GRIA4: variants seen among roughly 807,000 people sequenced by gnomAD.
The protein encoded by GRIA4 is glutamate ionotropic receptor AMPA type subunit 4, also known as glutamate receptor 4.
A neutral mutation model predicts 104.0 loss-of-function variants in GRIA4; 34 were observed. That is an observed-to-expected ratio of 0.33 (90% CI 0.25 to 0.44). The LOEUF is 0.44. GRIA4 is among the 20% of genes least tolerant of loss of function. The probability of loss-of-function intolerance (pLI) is 1.00; values close to 1 mark genes in which losing one functional copy is unlikely to be tolerated. For missense variants in GRIA4, 750 were observed against 1,096.5 expected (o/e 0.68, Z 4.46); for synonymous variants, 386 against 381.9 (o/e 1.01, Z -0.13).
intron 3 of GRIA4, among the ~76,000 whole-genome samples, chr11:105,682,906 CCTT>C (rs1952756425): frequency 6.6e-6 from 1 of 152,100 alleles, no homozygotes; most frequent in South Asian, 2.1e-4. Flanking sequence ...AATGACAAAA[CCTT>C]CTCCCATCGT....
chr11:105,736,539 G>A (rs912645089), intron 3 of GRIA4, among the ~76,000 whole-genome samples: 7 of 151,812 alleles, frequency 4.6e-5, no homozygotes, highest in Non-Finnish European at 8.8e-5. Context: ...TCCTTGTATA[G>A]TATATATATA....
intron 3 of GRIA4, chr11:105,708,022 T>C (rs1356526935): frequency 2.0e-5 from 3 of 152,128 alleles, no homozygotes; most frequent in African/African-American, 2.4e-5. Context: ...AGAGAAGTCA[T>C]TGAAGAAAAT....
At chr11:105,887,325 T>C (rs1946299941) in intron 5 of GRIA4, among the ~76,000 whole-genome samples, 194 bp from the exon 6 acceptor site, 1 of 152,134 alleles carries the variant, frequency 6.6e-6, no homozygotes, top group Non-Finnish European at 1.5e-5. Flanking sequence ...TAAATAAAAG[T>C]GGTACTTTTT....
chr11:105,954,390 T>C (rs1442934719), intron 14 of GRIA4, among the ~76,000 whole-genome samples: 1 of 152,196 alleles, frequency 6.6e-6, no homozygotes, highest in East Asian at 1.9e-4. Flanking sequence ...GAAAGCTTTG[T>C]TTTTTACTAA....
chr11:105,727,609 T>C (rs1938298134), intron 3 of GRIA4, among the ~76,000 whole-genome samples: 1 of 152,074 alleles, frequency 6.6e-6, no homozygotes, highest in Non-Finnish European at 1.5e-5. Context: ...GGAAAAAATG[T>C]TAAGGGCAGC....
intron 3 of GRIA4, among the ~76,000 whole-genome samples, chr11:105,673,652 G>A (rs1480079803): frequency 6.6e-6 from 1 of 151,924 alleles, no homozygotes; most frequent in Admixed American, 6.6e-5. Flanking sequence ...TGACAAGGTG[G>A]CAGATCATAA....
chr11:105,815,602 C>T (rs562855261), intron 4 of GRIA4, among the ~76,000 whole-genome samples: 1 of 152,032 alleles, frequency 6.6e-6, no homozygotes, highest in African/African-American at 2.4e-5. Context: ...GCTGTTACTG[C>T]CGAAAGCTGA....
intron 3 of GRIA4, among the ~76,000 whole-genome samples, chr11:105,712,649 C>T (rs1280814550): frequency 6.6e-6 from 1 of 151,804 alleles, no homozygotes; most frequent in Admixed American, 6.6e-5. Context: ...TTTTACCATG[C>T]TTAGTGAATC....
At chr11:105,719,213 A>C (rs1334200325) in intron 3 of GRIA4, among the ~76,000 whole-genome samples, 1 of 152,118 alleles carries the variant, frequency 6.6e-6, no homozygotes, top group Non-Finnish European at 1.5e-5. Context: ...CACTCTAAAG[A>C]CAGGGACAAC....
intron 4 of GRIA4, among the ~76,000 whole-genome samples, chr11:105,780,187 A>G (rs560134968): frequency 7.2e-5 from 11 of 152,286 alleles, no homozygotes; most frequent in African/African-American, 2.2e-4. Context: ...CCTACTAAGA[A>G]CAGGAAAAAA....
At chr11:105,644,901 G>C (rs76316271) in intron 3 of GRIA4, among the ~76,000 whole-genome samples, 2 of 152,098 alleles carry the variant, frequency 1.3e-5, no homozygotes, top group African/African-American at 4.8e-5. Context: ...CAGTGTATAA[G>C]AAGCAAGTAA....
At chr11:105,907,892 GAA>G (rs1947101278) in intron 9 of GRIA4, among the ~76,000 whole-genome samples, 1 of 152,110 alleles carries the variant, frequency 6.6e-6, no homozygotes, top group Non-Finnish European at 1.5e-5. Flanking sequence ...AGCTGCAGTA[GAA>G]ACCAAAATTC....
intron 14 of GRIA4, among the ~76,000 whole-genome samples, chr11:105,941,029 A>G (rs1337221078): frequency 2.0e-5 from 3 of 152,206 alleles, no homozygotes; most frequent in African/African-American, 7.2e-5. Context: ...GATAACTGAC[A>G]CAAATATACA....
intron 3 of GRIA4, among the ~76,000 whole-genome samples, chr11:105,676,438 G>C (rs1293451581): frequency 6.6e-6 from 1 of 151,522 alleles, no homozygotes; most frequent in Non-Finnish European, 1.5e-5. Context: ...ATACATTCTA[G>C]TACTCTGCAA....
intron 6 of GRIA4, among the ~76,000 whole-genome samples, chr11:105,892,670 G>A (rs1946499178): frequency 6.6e-6 from 1 of 152,116 alleles, no homozygotes; most frequent in Non-Finnish European, 1.5e-5. Context: ...TCAACTTGGC[G>A]ACATTGTTTT....
intron 3 of GRIA4, among the ~76,000 whole-genome samples, chr11:105,747,756 A>T (rs562437928): frequency 2.0e-5 from 3 of 152,152 alleles, no homozygotes; most frequent in Admixed American, 2.0e-4. Flanking sequence ...TTATTTTATA[A>T]TTTCACTTCT....
chr11:105,937,187 C>T (rs190834846), intron 14 of GRIA4, among the ~76,000 whole-genome samples: 8 of 152,026 alleles, frequency 5.3e-5, no homozygotes, highest in East Asian at 3.9e-4. Flanking sequence ...TATACAGTTT[C>T]GATGGCATTG....
At chr11:105,743,023 C>T (rs1353517856) in intron 3 of GRIA4, among the ~76,000 whole-genome samples, 1 of 152,126 alleles carries the variant, frequency 6.6e-6, no homozygotes, top group Non-Finnish European at 1.5e-5. Context: ...CGGCATGAGC[C>T]CTCAGATTTT....
chr11:105,676,634 G>A (rs1952547251), intron 3 of GRIA4, among the ~76,000 whole-genome samples: 1 of 151,678 alleles, frequency 6.6e-6, no homozygotes, highest in Non-Finnish European at 1.5e-5. Context: ...AAAAAGAACC[G>A]GATATGTTGG....
Sources: gnomAD v4.1 joint callset for allele counts (sites outside exome capture counted in the v4.1 genomes callset) on GRCh38, gnomAD v4.1.1 for gene constraint, MANE v1.5 for transcripts, NCBI Gene and HGNC (gene_info 2026-07-23, HGNC 2026-07-21) for gene names.